The following CMYA5 variants were observed in gnomAD, a reference collection of about 807,000 sequenced individuals.
The protein encoded by CMYA5 is cardiomyopathy-associated protein 5.
Under a neutral mutation model 318.9 loss-of-function variants are expected in CMYA5, and 246 were observed. The observed-to-expected ratio is 0.77, with a 90% CI of 0.70 to 0.86. The LOEUF (loss-of-function observed/expected upper bound fraction) is 0.86. Ranked by LOEUF, CMYA5 falls within the 40% of genes least tolerant of loss-of-function variation. CMYA5 has a pLI of 0.00. For synonymous variants in CMYA5, 1,641 were observed against 1,729.5 expected, an observed-to-expected ratio of 0.95 and a Z score of 1.27; for missense variants, 4,589 against 4,678.2, an observed-to-expected ratio of 0.98 and a Z score of 0.56.
intron 2 of CMYA5, among the ~76,000 whole-genome samples, chr5:79,741,126 C>T (rs556449543): frequency 6.6e-6 from 1 of 152,350 alleles, no homozygotes; most frequent in Non-Finnish European, 1.5e-5. Context: ...CATCCTCCCT[C>T]TTTGGCCTCC....
Position 79,689,868 on chromosome 5 carries a change from C to A in CMYA5, c.-40C>A, listed in dbSNP as rs1162504696. On this transcript the variant is annotated 5_prime_UTR_variant, in exon 1 of 13. Transcript: ENST00000446378. ...GGGAGAACACCAGGCGCGGCGCGGG[C>A]GGCTCCGGCTCCGGCCCCGGCCCAG... is the stretch of plus-strand genomic sequence containing the variant. 3 of 663,900 alleles carry A rather than the reference C, an allele frequency of 4.5e-6. No individual in the cohort carries two copies. Among genetic ancestry groups the A allele is most frequent in the South Asian group, 1.6e-5 (1 of 61,326 alleles). The allele number at this position is 663,900 out of a possible 1,614,324, so 41.1% of individuals were successfully genotyped here. A position where few individuals can be genotyped will look rare whatever the true frequency, so the allele number is the denominator to read the frequency against.
Position 79,738,546 on chromosome 5 carries a change from G to A in CMYA5, c.9781G>A (p.Gly3261Ser), listed in dbSNP as rs1421880868. 5 of 1,613,400 alleles carry A rather than the reference G, an allele frequency of 3.1e-6. No individual in the cohort carries two copies. Among genetic ancestry groups the A allele is most frequent in the Non-Finnish European group, 4.2e-6 (5 of 1,179,858 alleles). ...TCTAACTCAAAAGGACCAGGGCCAA[G>A]GTCTGGAAGAAAAACGAGTTGGTAA... ...TSLTQKDQGQ[G>S]LEEKRVGKDD... Residue 3261 changes from glycine to serine, a missense_variant, in exon 2 of 13, where the codon GGT becomes AGT. Physicochemically the swap from Gly to Ser is moderately conservative, Grantham distance 56. Transcript: ENST00000446378.
In CMYA5 at chr5:79,738,461, T is replaced by A. The variant is rs773843832; in HGVS notation, c.9696T>A (p.Asp3232Glu). ...SFPSRNSDTD[D>E]GTGIYFEKYI... ...CCAGCAGAAATTCTGACACTGATGA[T>A]GGAACAGGAATATATTTTGAGAAGT... is the stretch of plus-strand genomic sequence containing the variant. The change falls in exon 2 of 13, where the codon GAT becomes GAA. Residue 3232 changes from aspartate to glutamate, a missense_variant. Around this residue, in one of 3 missense-constraint regions of CMYA5, gnomAD observed 2,431 missense variants for 2,495.1 expected, o/e 0.97. Coordinates refer to ENST00000446378, the MANE Select transcript of CMYA5 (RefSeq NM_153610.5). 9.9e-6 allele frequency: 16 copies of A among 1,613,608 alleles called. No individual in the cohort carries two copies. Among genetic ancestry groups the A allele is most frequent in the Middle Eastern group, 1.6e-4 (1 of 6,080 alleles).
chr5:79,695,920 C>T (rs1272214909), intron 1 of CMYA5, among the ~76,000 whole-genome samples: 2 of 152,150 alleles, frequency 1.3e-5, no homozygotes, highest in Non-Finnish European at 2.9e-5. Context: ...CTGCTGATTG[C>T]TGCTTTGTCT....
chr5:79,742,089 CTTCTTCTTCT>C (rs1430563119), intron 2 of CMYA5, among the ~76,000 whole-genome samples: 1 of 117,428 alleles, frequency 8.5e-6, no homozygotes, highest in Admixed American at 8.3e-5. Context: ...TCTTCTTCTT[CTTCTTCTTCT>C]TTCTTCTTCT....
intron 3 of CMYA5, among the ~76,000 whole-genome samples, chr5:79,744,692 C>A (rs565382327): frequency 3.9e-5 from 6 of 152,300 alleles, no homozygotes; most frequent in Admixed American, 3.9e-4. Context: ...ATTATGGGAT[C>A]ATCTTATTAC....
chr5:79,799,902 G>A lies in CMYA5; in HGVS notation c.*286G>A, dbSNP rs1357377914. 2 of 229,776 alleles carry A rather than the reference G, an allele frequency of 8.7e-6. No individual in the cohort carries two copies. Among genetic ancestry groups the A allele is most frequent in the African/African-American group, 2.3e-5 (1 of 43,896 alleles). The allele number at this position is 229,776 out of a possible 1,614,324, so 14.2% of individuals were successfully genotyped here. ...TCTACACTTGAGTTGGGAACCGAAAGAGAAAAATGGACTTCCATCTGTTTT... is the reference window on the plus strand; with the variant it reads ...TCTACACTTGAGTTGGGAACCGAAAAAGAAAAATGGACTTCCATCTGTTTT... On this transcript the variant is annotated 3_prime_UTR_variant, in exon 13 of 13. Coordinates refer to ENST00000446378, the MANE Select transcript of CMYA5 (RefSeq NM_153610.5).
At chr5:79,771,562 A>G (rs1291602725) in intron 9 of CMYA5, among the ~76,000 whole-genome samples, 1 of 152,218 alleles carries the variant, frequency 6.6e-6, no homozygotes, top group African/African-American at 2.4e-5. Context: ...CCTGAGACCT[A>G]GTAGCCATCT....
At chr5:79,697,809 T>G (rs1333638324) in intron 1 of CMYA5, among the ~76,000 whole-genome samples, 1 of 152,200 alleles carries the variant, frequency 6.6e-6, no homozygotes, top group Non-Finnish European at 1.5e-5. Flanking sequence ...TTTCAAATAA[T>G]CATTTCAATT....
chr5:79,770,303 G>A (rs893410976), intron 9 of CMYA5, among the ~76,000 whole-genome samples: 2 of 152,194 alleles, frequency 1.3e-5, no homozygotes, highest in African/African-American at 4.8e-5. Context: ...CCTTTCCAGG[G>A]GAGTGAATGG....
At position 79,734,831 on chromosome 5, in the gene CMYA5, G is replaced by A; in HGVS notation, c.6066G>A (p.Glu2022=). Residue 2022 remains glutamate (E), a synonymous_variant, in exon 2 of 13, where the codon GAG becomes GAA. Coordinates refer to ENST00000446378, the MANE Select transcript of CMYA5 (RefSeq NM_153610.5). ...SLMESESLLL[E]KANTELSWPS... is the part of the protein sequence containing the mutation. The stretch of plus-strand genomic sequence containing the variant: ...TGGAGAGTGAAAGTTTGCTATTGGA[G>A]AAAGCAAACACAGAGCTTTCCTGGC... 1 of 1,613,730 alleles carries A rather than the reference G, an allele frequency of 6.2e-7. No homozygotes were observed. Among genetic ancestry groups the A allele is most frequent in the African/African-American group, 1.3e-5 (1 of 75,004 alleles).
At position 79,747,086 on chromosome 5, in the gene CMYA5, C is replaced by G. The variant is rs1431145059; in HGVS notation, c.10969-5C>G. The G allele has an allele frequency of 6.6e-7, 1 of 1,504,708 alleles. No homozygotes were observed. The highest frequency in any genetic ancestry group is 2.5e-5 in the East Asian group (1 of 40,492). The allele number at this position is 1,504,708 out of a possible 1,614,324, so 93.2% of individuals were successfully genotyped here. A position where few individuals can be genotyped will look rare whatever the true frequency, so the allele number is the denominator to read the frequency against. On this transcript the variant is annotated splice_region_variant and splice_polypyrimidine_tract_variant and intron_variant, in intron 4 of 12. Transcript: ENST00000446378. ...CCTCCTCCTTCCTCTCTCTTTCTCC[C>G]TAAGTCGTTTGAGGAAATCAATGAA...
In CMYA5 at chr5:79,735,433, T is replaced by C; in HGVS notation, c.6668T>C (p.Ile2223Thr). Residue 2223 changes from isoleucine to threonine, a missense_variant, in exon 2 of 13, where the codon ATT becomes ACT. Transcript: ENST00000446378. The stretch of plus-strand genomic sequence containing the variant: ...ACTGTGATAGATCCTGAAGGTACAA[T>C]TCCCACCAATTTTAATGTAGCTGAG... ...AVTVIDPEGT[I>T]PTNFNVAEKP... is the part of the protein sequence containing the mutation. 2 of 1,613,866 alleles carry C rather than the reference T, an allele frequency of 1.2e-6. No individual in the cohort carries two copies. Among genetic ancestry groups the C allele is most frequent in the Non-Finnish European group, 1.7e-6 (2 of 1,179,796 alleles).
At chr5:79,713,159 T>C (rs373936035) in intron 1 of CMYA5, among the ~76,000 whole-genome samples, 1 of 152,192 alleles carries the variant, frequency 6.6e-6, no homozygotes, top group African/African-American at 2.4e-5. Flanking sequence ...CACCAGTGGT[T>C]CTCAGCTATT....
At position 79,799,864 on chromosome 5, in the gene CMYA5, C is replaced by A; in HGVS notation, c.*248C>A. The stretch of plus-strand genomic sequence containing the variant: ...AGTTTATATAAGTTTGAGTTCTTTC[C>A]TAAATTAAAAGATCTACACTTGAGT... On this transcript the variant is annotated 3_prime_UTR_variant, in exon 13 of 13. Transcript: ENST00000446378. The A allele has an allele frequency of 5.0e-6, 1 of 199,846 alleles. No individual in the cohort carries two copies. The highest frequency in any genetic ancestry group is 9.2e-6 in the Non-Finnish European group (1 of 108,242). The allele number at this position is 199,846 out of a possible 1,614,324, so 12.4% of individuals were successfully genotyped here.
chr5:79,727,799 CAG>C lies in CMYA5; in HGVS notation c.150-1113_150-1112del, dbSNP rs150024322. Reference sequence around the variant, plus strand: ...AAGACAATTTCAGAGAAGAGCGCTACAGAGTCTAAGATGGGGGCCCAATAGCA... The same window carrying C: ...AAGACAATTTCAGAGAAGAGCGCTACAGTCTAAGATGGGGGCCCAATAGCA... On this transcript the variant is annotated intron_variant, in intron 1 of 12. Transcript: ENST00000446378. Among the ~76,000 whole-genome samples, 513 of 152,248 alleles carry C rather than the reference CAG, an allele frequency of 3.4e-3. 6 individuals carry two copies. The highest frequency in any genetic ancestry group is 0.012 in the African/African-American group (497 of 41,542).
chr5:79,793,524 C>T lies in CMYA5; in HGVS notation c.11877C>T (p.Leu3959=), dbSNP rs148082008. Residue 3959 remains leucine (L), a synonymous_variant, in exon 12 of 13, where the codon CTC becomes CTT. Transcript: ENST00000446378. ...TCACAGACTGCCCAGCATATCGACT[C>T]GGCATCTGCTCCAGCTCGGCTGTGC... The part of the protein sequence containing the change: ...TTVTDCPAYR[L]GICSSSAVQA... The T allele has an allele frequency of 4.8e-4, 779 of 1,613,886 alleles. 3 individuals carry two copies. Among genetic ancestry groups the T allele is most frequent in the Admixed American group, 1.0e-3 (61 of 60,032 alleles).
chr5:79,744,734 G>A lies in CMYA5; in HGVS notation c.10735-488G>A, dbSNP rs142805119. On this transcript the variant is annotated intron_variant, in intron 3 of 12. Transcript: ENST00000446378. ...CACTAGTGAGGATAGCCAGGCATCT[G>A]GATGTGTCTGGACAGGCAACGAAGT... Among the ~76,000 whole-genome samples the A allele has an allele frequency of 3.5e-3, 530 of 152,326 alleles. 1 individual carries two copies. Among genetic ancestry groups the A allele is most frequent in the African/African-American group, 0.012 (499 of 41,586 alleles).
In CMYA5 at chr5:79,763,285, T is replaced by G; in HGVS notation, c.11555+76T>G. 3 of 1,284,988 alleles carry G rather than the reference T, an allele frequency of 2.3e-6. 1 individual carries two copies. The highest frequency in any genetic ancestry group is 3.1e-6 in the Non-Finnish European group (3 of 953,446). 79.6% of individuals were successfully genotyped at this position (1,284,988 alleles called of 1,614,324 possible). A position where few individuals can be genotyped will look rare whatever the true frequency, so the allele number is the denominator to read the frequency against. ...TCTGGGTCCTAAACTACCCTCTAACTTCTGCTCACCAAGGGAGAAATGCCG... is the reference window on the plus strand; with the variant it reads ...TCTGGGTCCTAAACTACCCTCTAACGTCTGCTCACCAAGGGAGAAATGCCG... On this transcript the variant is annotated intron_variant, in intron 9 of 12. Coordinates refer to ENST00000446378, the MANE Select transcript of CMYA5 (RefSeq NM_153610.5).
Sources: gnomAD v4.1 joint callset for allele counts (sites outside exome capture counted in the v4.1 genomes callset) on GRCh38, gnomAD v4.1.1 for gene constraint, gnomAD v4.1.1 regional missense constraint, MANE v1.5 for transcripts, NCBI Gene and HGNC (gene_info 2026-07-23, HGNC 2026-07-21) for gene names.